FBXW12: variants seen among roughly 807,000 people sequenced by gnomAD.
FBXW12 encodes the protein F-box and WD repeat domain containing 12.
Under a neutral mutation model 55.3 loss-of-function variants are expected in FBXW12, and 43 were observed. The ratio of observed to expected loss-of-function variants is 0.78; its 90% CI spans 0.61 to 1.00. The LOEUF (loss-of-function observed/expected upper bound fraction) is 1.00, where lower values mean the gene tolerates loss of function less well. Among genes scored for constraint, FBXW12 ranks in the 50% least tolerant of loss-of-function variants. FBXW12 has a pLI of 0.00. For synonymous variants in FBXW12, 184 were observed against 203.8 expected, an observed-to-expected ratio of 0.90 and a Z score of 0.83; for missense variants, 524 against 560.5, an observed-to-expected ratio of 0.93 and a Z score of 0.66.
rs1341021243 is a variant in FBXW12, at chr3:48,373,718, G to A, written c.286+13G>A. 1.2e-6 allele frequency: 2 copies of A among 1,606,892 alleles called. No individual in the cohort carries two copies. Among genetic ancestry groups the A allele is most frequent in the South Asian group, 1.1e-5 (1 of 90,784 alleles). ...ACTAAGAACATCGGTATGGGTATAG[G>A]TGCCCTAGAGGAACATGAGCAGCTT... On this transcript the variant is annotated intron_variant, in intron 4 of 10. Coordinates refer to ENST00000296438, the MANE Select transcript of FBXW12 (RefSeq NM_207102.2).
chr3:48,377,285 A>G (rs933328239), intron 5 of FBXW12, among the ~76,000 whole-genome samples: 15 of 152,196 alleles, frequency 9.9e-5, no homozygotes, highest in African/African-American at 3.4e-4. Context: ...CCAATAGGAT[A>G]TTGTGGAAAT....
At chr3:48,380,079 C>T (rs1008479730) in intron 7 of FBXW12, 1 of 153,500 alleles carries the variant, frequency 6.5e-6, no homozygotes, top group African/African-American at 2.4e-5. Flanking sequence ...TGGGAATGCA[C>T]CTGTGAATAG....
intron 10 of FBXW12, among the ~76,000 whole-genome samples, chr3:48,384,046 T>G (rs1312430440): frequency 6.6e-6 from 1 of 152,218 alleles, no homozygotes; most frequent in Admixed American, 6.5e-5. Flanking sequence ...GTTCCCTTGT[T>G]TTCCAAGTGA....
intron 5 of FBXW12, among the ~76,000 whole-genome samples, chr3:48,376,723 C>T (rs1022075011): frequency 3.3e-5 from 5 of 152,122 alleles, no homozygotes; most frequent in South Asian, 2.1e-4. Context: ...ATTGGGCCAC[C>T]GCATAGAGAA....
At chr3:48,391,698 G>C (rs1226797965) in intron 10 of FBXW12, among the ~76,000 whole-genome samples, 1 of 152,090 alleles carries the variant, frequency 6.6e-6, no homozygotes, top group Non-Finnish European at 1.5e-5. Flanking sequence ...TGTCACAAAG[G>C]GATACTGGAT....
chr3:48,374,667 T>A (rs2107152371), intron 4 of FBXW12, among the ~76,000 whole-genome samples: 2 of 152,272 alleles, frequency 1.3e-5, no homozygotes, highest in Non-Finnish European at 2.9e-5. Context: ...GGTCTCACTT[T>A]GTTACCCAGG....
intron 10 of FBXW12, among the ~76,000 whole-genome samples, chr3:48,391,673 T>C (rs1177464646): frequency 1.3e-5 from 2 of 152,162 alleles, no homozygotes; most frequent in Non-Finnish European, 2.9e-5. Context: ...CAGTGCCTAG[T>C]TTCTTGAGGG....
At chr3:48,374,672 C>G (rs2107152384) in intron 4 of FBXW12, among the ~76,000 whole-genome samples, 1 of 151,870 alleles carries the variant, frequency 6.6e-6, no homozygotes, top group East Asian at 1.9e-4. Flanking sequence ...CACTTTGTTA[C>G]CCAGGCTGGT....
rs755709783 is a variant in FBXW12, at chr3:48,373,318, G to A, written c.101G>A (p.Arg34Lys). The change falls in exon 3 of 11, where the codon AGG (arginine) becomes AAG (lysine). Residue 34 changes from arginine to lysine, a missense_variant. Coordinates refer to ENST00000296438, the MANE Select transcript of FBXW12 (RefSeq NM_207102.2). ...CTTTCTCTCCCATAGCATTGGAATA[G>A]GATTGCAGACAGTGATTACCTGTGG... ...QVSQVNKHWN[R>K]IADSDYLWRS... 5.6e-6 allele frequency: 9 copies of A among 1,614,056 alleles called. No homozygotes were observed. Among genetic ancestry groups the A allele is most frequent in the Non-Finnish European group, 7.6e-6 (9 of 1,180,032 alleles).
intron 10 of FBXW12, among the ~76,000 whole-genome samples, chr3:48,387,103 C>G (rs2036857875): frequency 6.6e-6 from 1 of 152,084 alleles, no homozygotes; most frequent in African/African-American, 2.4e-5. Flanking sequence ...GTAGAACAAT[C>G]TGGGCCTGGA....
chr3:48,372,358 G>A (rs1365377473), intron 1 of FBXW12, 38 bp downstream of exon 1: 2 of 1,550,920 alleles, frequency 1.3e-6, no homozygotes, highest in Admixed American at 3.9e-5. Context: ...TCCAATTCCA[G>A]GAGTTTGGAA....
chr3:48,382,270 C>T (rs2036788481), intron 10 of FBXW12, among the ~76,000 whole-genome samples, 185 bp downstream of exon 10: 1 of 152,148 alleles, frequency 6.6e-6, no homozygotes, highest in Non-Finnish European at 1.5e-5. Context: ...GCATGTGCCA[C>T]CACACCTGGC....
Position 48,373,679 on chromosome 3 carries a change from T to G in FBXW12, c.260T>G (p.Phe87Cys). The G allele has an allele frequency of 6.2e-7, 1 of 1,614,108 alleles. No individual in the cohort carries two copies. Among genetic ancestry groups the G allele is most frequent in the Non-Finnish European group, 8.5e-7 (1 of 1,179,982 alleles). ...LRLALAQPHNFIYKVTKNIAF... is the reference protein window; with the variant it reads ...LRLALAQPHNCIYKVTKNIAF... ...TTGGCATTGGCACAGCCGCATAACT[T>G]TATCTACAAAGTAACTAAGAACATC... Residue 87 changes from phenylalanine to cysteine, a missense_variant, in exon 4 of 11, where the codon TTT becomes TGT. By Grantham distance (205) the Phe-to-Cys change is radical. Transcript: ENST00000296438.
rs1005391129 is a variant in FBXW12, at chr3:48,381,610, T to C, written c.986-90T>C. ...TGTGGAAGTGGGGACTATGCTTTTT[T>C]ATTCAGTGTGAGGATATTATTATTC... On this transcript the variant is annotated intron_variant, in intron 8 of 10. Transcript: ENST00000296438. The C allele has an allele frequency of 6.3e-5, 88 of 1,387,950 alleles. No homozygotes were observed. The East Asian group carries it at 2.0e-3, about 32-fold the overall frequency. The allele number at this position is 1,387,950 out of a possible 1,614,324, so 86.0% of individuals were successfully genotyped here. A position where few individuals can be genotyped will look rare whatever the true frequency, so the allele number is the denominator to read the frequency against.
At chr3:48,387,748 G>A (rs1217518172) in intron 10 of FBXW12, among the ~76,000 whole-genome samples, 1 of 151,992 alleles carries the variant, frequency 6.6e-6, no homozygotes, top group Admixed American at 6.6e-5. Context: ...ATTTATTTGT[G>A]GAGATTGGGT....
chr3:48,380,336 G>A (rs1433266936), intron 7 of FBXW12, among the ~76,000 whole-genome samples: 1 of 152,034 alleles, frequency 6.6e-6, no homozygotes, highest in African/African-American at 2.4e-5. Context: ...GGTGGACTGG[G>A]CACCAAAGAG....
At chr3:48,380,300 G>A (rs548927653) in intron 7 of FBXW12, among the ~76,000 whole-genome samples, 2 of 152,244 alleles carry the variant, frequency 1.3e-5, no homozygotes, top group African/African-American at 4.8e-5. Flanking sequence ...TTTGGCCTTT[G>A]AGCAGGCCAT....
At chr3:48,391,547 T>C (rs994035258) in intron 10 of FBXW12, among the ~76,000 whole-genome samples, 2 of 151,994 alleles carry the variant, frequency 1.3e-5, no homozygotes, top group African/African-American at 4.8e-5. Flanking sequence ...GTGGTGAGAG[T>C]AGGCATCCTT....
chr3:48,372,601 G>C (rs1194883044), intron 1 of FBXW12, 83 bp from the exon 2 acceptor site: 1 of 1,495,512 alleles, frequency 6.7e-7, no homozygotes, highest in Admixed American at 2.1e-5. Context: ...GGAGAGGCCG[G>C]GGTGGAGGTC....
Sources: allele counts gnomAD v4.1 joint callset (sites outside exome capture counted in the v4.1 genomes callset), GRCh38; gene constraint gnomAD v4.1.1; transcripts MANE v1.5; gene names NCBI Gene and HGNC (gene_info 2026-07-23, HGNC 2026-07-21).